The following FHIT variants were observed in gnomAD, a reference collection of about 807,000 sequenced individuals.
The protein encoded by FHIT is bis(5'-adenosyl)-triphosphatase.
A neutral mutation model predicts 17.9 loss-of-function variants in FHIT; 19 were observed. The ratio of observed to expected loss-of-function variants is 1.06; its 90% CI spans 0.74 to 1.56. The LOEUF is 1.56. FHIT is among the 40% of genes most tolerant of loss of function. FHIT has a pLI of 0.00. For missense variants in FHIT, 248 were observed against 189.2 expected (o/e 1.31, Z -1.82); for synonymous variants, 81 against 69.7 (o/e 1.16, Z -0.81).
At position 60,299,040 on chromosome 3, in the gene FHIT, T is replaced by C. The variant is rs376642746; in HGVS notation, c.103+237820A>G. Reference sequence around the variant, plus strand: ...GTGCACTGGTCTTGCATGGAAAATGTTGTAATCCTGCTGGAACTTCTCTGT... The same window carrying C: ...GTGCACTGGTCTTGCATGGAAAATGCTGTAATCCTGCTGGAACTTCTCTGT... On this transcript the variant is annotated intron_variant, in intron 5 of 9. Coordinates refer to ENST00000492590, the MANE Select transcript of FHIT (RefSeq NM_002012.4). Among the ~76,000 whole-genome samples, 8 of 152,262 alleles carry C rather than the reference T, an allele frequency of 5.3e-5. No individual in the cohort carries two copies. In the East Asian group the frequency reaches 9.7e-4, roughly 18 times the overall value.
intron 3 of FHIT, among the ~76,000 whole-genome samples, chr3:60,932,678 A>G (rs1708017111): frequency 6.6e-6 from 1 of 152,140 alleles, no homozygotes; most frequent in Admixed American, 6.5e-5. Context: ...TTGCTCCTTC[A>G]GACTTTCCAT....
Position 59,955,686 on chromosome 3 carries a change from A to G in FHIT, c.280-33272T>C, listed in dbSNP as rs570099029. On this transcript the variant is annotated intron_variant, in intron 7 of 9. Transcript: ENST00000492590. ...TTCCTCACCTGCTTAAATGGTATTG[A>G]TACTCAACCATGACTTAAGCCAGAA... is the stretch of plus-strand genomic sequence containing the variant. 3.3e-5 allele frequency among the ~76,000 whole-genome samples: 5 copies of G among 152,262 alleles called. 1 individual carries two copies. The South Asian group carries it at 1.0e-3, about 32-fold the overall frequency.
At chr3:61,023,053 G>A (rs976115662) in intron 3 of FHIT, among the ~76,000 whole-genome samples, 1 of 152,154 alleles carries the variant, frequency 6.6e-6, no homozygotes, top group African/African-American at 2.4e-5. Flanking sequence ...AAGTCAAATT[G>A]TCTCTGTTTG....
At chr3:60,095,981 C>G (rs948373565) in intron 5 of FHIT, among the ~76,000 whole-genome samples, 5 of 152,156 alleles carry the variant, frequency 3.3e-5, no homozygotes, top group Admixed American at 2.6e-4. Context: ...AGAAGGGAAT[C>G]ATAAAAAGAC....
chr3:60,540,567 G>C (rs1020253836), intron 4 of FHIT, among the ~76,000 whole-genome samples: 14 of 152,154 alleles, frequency 9.2e-5, no homozygotes, highest in Non-Finnish European at 4.4e-5. Flanking sequence ...TTGTGTGTTG[G>C]GGGGAAAGAA....
chr3:60,728,068 TA>T (rs2041954234), intron 4 of FHIT, among the ~76,000 whole-genome samples: 1 of 152,224 alleles, frequency 6.6e-6, no homozygotes, highest in Non-Finnish European at 1.5e-5. Context: ...GGAAAATGCC[TA>T]TTTTGATTTT....
At chr3:60,384,112 C>CA (rs899864800) in intron 5 of FHIT, among the ~76,000 whole-genome samples, 2 of 151,792 alleles carry the variant, frequency 1.3e-5, no homozygotes, top group Non-Finnish European at 2.9e-5. Context: ...TACTAAAATA[C>CA]AAAAAATTAG....
intron 4 of FHIT, among the ~76,000 whole-genome samples, chr3:60,717,840 A>G (rs2041722105): frequency 1.3e-5 from 2 of 152,264 alleles, no homozygotes; most frequent in South Asian, 4.1e-4. Context: ...TGTGACAGCC[A>G]TTTTTCTAGA....
At chr3:60,030,023 A>G (rs74641674) in intron 5 of FHIT, among the ~76,000 whole-genome samples, 1,841 of 152,012 alleles carry the variant, frequency 0.012, 44 homozygotes, top group African/African-American at 0.042. Context: ...CGCTCCCGTC[A>G]TGGCCTTTCC....
chr3:61,008,757 A>G (rs1483265858), intron 3 of FHIT, among the ~76,000 whole-genome samples: 1 of 152,220 alleles, frequency 6.6e-6, no homozygotes, highest in Non-Finnish European at 1.5e-5. Flanking sequence ...TGTGGCCCAC[A>G]TTGGCAATTA....
intron 5 of FHIT, among the ~76,000 whole-genome samples, chr3:60,063,956 G>A (rs1031320548): frequency 2.0e-5 from 3 of 152,216 alleles, no homozygotes; most frequent in African/African-American, 7.2e-5. Context: ...AACAAGCTAA[G>A]TGTGAAGAAT....
chr3:60,990,749 T>G (rs1305427703), intron 3 of FHIT, among the ~76,000 whole-genome samples: 1 of 152,100 alleles, frequency 6.6e-6, no homozygotes, highest in Non-Finnish European at 1.5e-5. Context: ...TGTGCCCAGC[T>G]CCCCTCCTGC....
At chr3:60,384,018 C>T in intron 5 of FHIT, among the ~76,000 whole-genome samples, 1 of 152,042 alleles carries the variant, frequency 6.6e-6, no homozygotes, top group Non-Finnish European at 1.5e-5. Context: ...GCCTGTAATC[C>T]CAGCACTTTG....
At chr3:60,227,642 A>G (rs563834815) in intron 5 of FHIT, among the ~76,000 whole-genome samples, 1 of 152,352 alleles carries the variant, frequency 6.6e-6, no homozygotes, top group East Asian at 1.9e-4. Context: ...CCAATTAGGT[A>G]AATCATGGAT....
intron 5 of FHIT, among the ~76,000 whole-genome samples, chr3:60,062,329 C>G (rs1416902069): frequency 6.6e-6 from 1 of 152,064 alleles, no homozygotes; most frequent in African/African-American, 2.4e-5. Flanking sequence ...ACACACAGCT[C>G]AGGATTCAAT....
intron 4 of FHIT, among the ~76,000 whole-genome samples, chr3:60,614,835 TTTTTTTG>T (rs1559583687): frequency 0.01 from 725 of 72,022 alleles, 109 homozygotes; most frequent in Non-Finnish European, 0.017. Flanking sequence ...TTTTTTGTTT[TTTTTTTG>T]TTTTTTGAGA....
intron 5 of FHIT, among the ~76,000 whole-genome samples, chr3:60,524,043 C>A (rs2035477606): frequency 6.6e-6 from 1 of 152,144 alleles, no homozygotes; most frequent in African/African-American, 2.4e-5. Flanking sequence ...CCAACATGGT[C>A]AACCAGGGTC....
intron 2 of FHIT, among the ~76,000 whole-genome samples, chr3:61,084,357 T>C (rs1010389042): frequency 3.9e-5 from 6 of 152,352 alleles, no homozygotes; most frequent in East Asian, 1.9e-4. Flanking sequence ...ATAGATAGTA[T>C]ATGTCCTCCA....
At chr3:59,919,774 A>T (rs1705313811) in intron 8 of FHIT, among the ~76,000 whole-genome samples, 1 of 152,206 alleles carries the variant, frequency 6.6e-6, no homozygotes, top group Admixed American at 6.5e-5. Context: ...TCCTGAACAG[A>T]TGCATAATCT....
Sources: gnomAD v4.1 joint callset for allele counts (sites outside exome capture counted in the v4.1 genomes callset) on GRCh38, gnomAD v4.1.1 for gene constraint, MANE v1.5 for transcripts, NCBI Gene and HGNC (gene_info 2026-07-23, HGNC 2026-07-21) for gene names.